The following VMP1 variants were observed in gnomAD, a reference collection of about 807,000 sequenced individuals.
VMP1 encodes ectopic P-granules autophagy protein 3 homolog.
VMP1 carries 11 observed loss-of-function variants against 56.0 expected under a neutral mutation model. The observed-to-expected ratio is 0.20, with a 90% confidence interval of 0.12 to 0.32. The LOEUF is 0.32. Ranked by LOEUF, VMP1 falls within the 10% of genes least tolerant of loss-of-function variation. VMP1 has a pLI of 1.00. For synonymous variants in VMP1, 149 were observed against 165.0 expected (o/e 0.90, Z 0.74); for missense variants, 296 against 490.3 (o/e 0.60, Z 3.74).
chr17:59,765,103 A>G lies in VMP1; in HGVS notation c.547A>G (p.Ile183Val), dbSNP rs768943691. ...TGAAGGAACCATTTCTTTGTGGAGT[A>G]TCATCTCAAAAGTTAGGATTGAAGC... ...GTEGTISLWSIISKVRIEACM... is the reference protein window; with the variant it reads ...GTEGTISLWSVISKVRIEACM... The change falls in exon 6 of 12, where the codon ATC (isoleucine) becomes GTC (valine). Residue 183 changes from isoleucine (I) to valine (V), a missense_variant. Ile to Val is a conservative substitution (Grantham distance 29). Around this residue, in one of 4 missense-constraint regions of VMP1, gnomAD observed 126 missense variants for 231.6 expected, o/e 0.54. Coordinates refer to ENST00000262291, the MANE Select transcript of VMP1 (RefSeq NM_030938.5). 5 of 1,614,060 alleles carry G rather than the reference A, an allele frequency of 3.1e-6. No individual in the cohort carries two copies. In the South Asian group the frequency reaches 5.5e-5, roughly 18 times the overall value.
chr17:59,805,356 T>G (rs906505224), intron 7 of VMP1, among the ~76,000 whole-genome samples: 2 of 152,372 alleles, frequency 1.3e-5, no homozygotes, highest in South Asian at 4.1e-4. Flanking sequence ...ATGATCACTG[T>G]GTTTTGACCT....
intron 5 of VMP1, among the ~76,000 whole-genome samples, chr17:59,747,882 G>C (rs1006964834): frequency 6.6e-6 from 1 of 151,046 alleles, no homozygotes; most frequent in African/African-American, 2.4e-5. Flanking sequence ...GTTACAGAGC[G>C]AAACCCTGTC....
chr17:59,750,789 T>G (rs2143904196), intron 5 of VMP1, among the ~76,000 whole-genome samples: 1 of 152,254 alleles, frequency 6.6e-6, no homozygotes, highest in East Asian at 1.9e-4. Flanking sequence ...TGTTCATTCA[T>G]TTGATATCTA....
At chr17:59,768,720 C>T (rs894514772) in intron 6 of VMP1, among the ~76,000 whole-genome samples, 4 of 152,022 alleles carry the variant, frequency 2.6e-5, no homozygotes, top group Non-Finnish European at 5.9e-5. Flanking sequence ...CGGTGGCTCA[C>T]GCCTGTAATC....
intron 6 of VMP1, among the ~76,000 whole-genome samples, chr17:59,768,329 G>A (rs771932149): frequency 1.3e-5 from 2 of 151,998 alleles, no homozygotes; most frequent in Non-Finnish European, 2.9e-5. Context: ...GGGACTGGGT[G>A]TAGTGGCTCA....
At position 59,739,086 on chromosome 17, in the gene VMP1, CTTTAAG is replaced by C. The variant is rs2035117983; in HGVS notation, c.414+143_414+148del. On this transcript the variant is annotated intron_variant, in intron 5 of 11. Coordinates refer to ENST00000262291, the MANE Select transcript of VMP1 (RefSeq NM_030938.5). Reference sequence around the variant, plus strand: ...AAGCATTCTGATCCTCCAATCAGTGCTTTAAGTTTGACTTAGAGTTCTGTTTTGTTT... The same window carrying C: ...AAGCATTCTGATCCTCCAATCAGTGCTTTGACTTAGAGTTCTGTTTTGTTT... 3 of 611,436 alleles carry C rather than the reference CTTTAAG, an allele frequency of 4.9e-6. No homozygotes were observed. The South Asian group carries it at 8.0e-5, about 16-fold the overall frequency. The allele number at this position is 611,436 out of a possible 1,614,324, so 37.9% of individuals were successfully genotyped here. A position where few individuals can be genotyped will look rare whatever the true frequency, so the allele number is the denominator to read the frequency against.
At chr17:59,807,195 T>G (rs1004111659) in intron 7 of VMP1, among the ~76,000 whole-genome samples, 6 of 150,376 alleles carry the variant, frequency 4.0e-5, no homozygotes, top group Non-Finnish European at 7.4e-5. Context: ...TTTTTTGTTT[T>G]TTTGTTTTTT....
intron 3 of VMP1, chr17:59,735,724 G>A (rs2034992844): frequency 4.9e-6 from 2 of 404,544 alleles, no homozygotes; most frequent in African/African-American, 2.0e-5. Flanking sequence ...TGAATCTGCA[G>A]TGGAGAACAC....
chr17:59,788,191 G>A (rs1034359968), intron 7 of VMP1, among the ~76,000 whole-genome samples: 1 of 152,068 alleles, frequency 6.6e-6, no homozygotes, highest in African/African-American at 2.4e-5. Flanking sequence ...GCACATTGGA[G>A]TAGAAAATAG....
In VMP1 at chr17:59,838,221, A is replaced by G; in HGVS notation, c.975-74A>G. 9.9e-6 allele frequency: 13 copies of G among 1,316,694 alleles called. No homozygotes were observed. In the South Asian group the frequency reaches 1.5e-4, roughly 15 times the overall value. 81.6% of individuals were successfully genotyped at this position (1,316,694 alleles called of 1,614,324 possible). ...CCTTTTGAGTCCAGGTGGTAAGTACATTTTCTTTAACGTTTTTCCTGCTTT... is the reference window on the plus strand; with the variant it reads ...CCTTTTGAGTCCAGGTGGTAAGTACGTTTTCTTTAACGTTTTTCCTGCTTT... On this transcript the variant is annotated intron_variant, in intron 10 of 11. Transcript: ENST00000262291.
intron 5 of VMP1, among the ~76,000 whole-genome samples, chr17:59,758,795 A>G (rs193003023): frequency 6.6e-6 from 1 of 152,124 alleles, no homozygotes; most frequent in Admixed American, 6.6e-5. Context: ...TCTACAAATA[A>G]TGAAAAAAAA....
In VMP1 at chr17:59,754,364, C is replaced by T. The variant is rs533281939; in HGVS notation, c.415-10607C>T. On this transcript the variant is annotated intron_variant, in intron 5 of 11. Coordinates refer to ENST00000262291, the MANE Select transcript of VMP1 (RefSeq NM_030938.5). ...GATACTTTTTGACTCTTGGCTATTGCTAAAAGTAAATATTATTTGGAAAAC... is the reference window on the plus strand; with the variant it reads ...GATACTTTTTGACTCTTGGCTATTGTTAAAAGTAAATATTATTTGGAAAAC... Among the ~76,000 whole-genome samples, 7 of 152,054 alleles carry T rather than the reference C, an allele frequency of 4.6e-5. No individual in the cohort carries two copies. In the South Asian group the frequency reaches 1.5e-3, roughly 32 times the overall value.
intron 1 of VMP1, among the ~76,000 whole-genome samples, chr17:59,714,092 T>C (rs2034053179): frequency 6.6e-6 from 1 of 151,580 alleles, no homozygotes; most frequent in Admixed American, 6.6e-5. Flanking sequence ...CCGTTTTCTG[T>C]TGCTTATACC....
intron 5 of VMP1, among the ~76,000 whole-genome samples, chr17:59,739,542 G>A (rs983397449): frequency 4.6e-5 from 7 of 151,584 alleles, no homozygotes; most frequent in Non-Finnish European, 1.0e-4. Flanking sequence ...GGCTAACATG[G>A]TGAAACCCTG....
intron 1 of VMP1, chr17:59,729,686 CT>C (rs577589984): frequency 8.3e-4 from 109 of 131,040 alleles, no homozygotes; most frequent in East Asian, 1.1e-3. Flanking sequence ...TTTTTTGTTT[CT>C]TTTTTTTTTT....
rs1398867882 is a variant in VMP1, at chr17:59,840,621, T to C, written c.*710T>C. On this transcript the variant is annotated 3_prime_UTR_variant, in exon 12 of 12. Coordinates refer to ENST00000262291, the MANE Select transcript of VMP1 (RefSeq NM_030938.5). ...GTGTCCGTTTTCTTGAGCGTTTTGA[T>C]TTTTTACTTTTAGCTTATACCAGCT... 6.6e-6 allele frequency: 1 copy of C among 152,642 alleles called. No individual in the cohort carries two copies. The highest frequency in any genetic ancestry group is 1.9e-4 in the East Asian group (1 of 5,204). The allele number at this position is 152,642 out of a possible 1,614,324, so 9.5% of individuals were successfully genotyped here. A position where few individuals can be genotyped will look rare whatever the true frequency, so the allele number is the denominator to read the frequency against.
chr17:59,709,480 T>C (rs1477551434), intron 1 of VMP1, among the ~76,000 whole-genome samples: 1 of 152,222 alleles, frequency 6.6e-6, no homozygotes, highest in African/African-American at 2.4e-5. Flanking sequence ...AAAATTCTGC[T>C]CACTTTCTTT....
At chr17:59,733,182 T>C (rs967183388) in intron 2 of VMP1, among the ~76,000 whole-genome samples, 1 of 151,194 alleles carries the variant, frequency 6.6e-6, no homozygotes, top group Non-Finnish European at 1.5e-5. Flanking sequence ...CAAGACCCTG[T>C]CCCCCAAAAA....
intron 7 of VMP1, among the ~76,000 whole-genome samples, chr17:59,802,907 C>T (rs546100936): frequency 4.2e-5 from 5 of 120,200 alleles, no homozygotes; most frequent in Admixed American, 8.4e-5. Flanking sequence ...CCACCATGCC[C>T]GGCTAATTTT....
Sources: gnomAD v4.1 joint callset for allele counts (sites outside exome capture counted in the v4.1 genomes callset) on GRCh38, gnomAD v4.1.1 for gene constraint, gnomAD v4.1.1 regional missense constraint, MANE v1.5 for transcripts, NCBI Gene and HGNC (gene_info 2026-07-23, HGNC 2026-07-21) for gene names.